Variants in ANKRD30BL observed in about 807,000 individuals in gnomAD.
ANKRD30BL encodes ankyrin repeat domain 30B like.
Under a neutral mutation model 18.4 loss-of-function variants are expected in ANKRD30BL, and 20 were observed. The ratio of observed to expected loss-of-function variants is 1.09; its 90% confidence interval spans 0.77 to 1.58. The LOEUF is 1.58. ANKRD30BL is among the 40% of genes most tolerant of loss of function. ANKRD30BL has a pLI of 0.00. For synonymous variants in ANKRD30BL, 72 were observed against 100.9 expected (o/e 0.71, Z 1.72); for missense variants, 224 against 268.6 (o/e 0.83, Z 1.16).
intron 1 of ANKRD30BL, among the ~76,000 whole-genome samples, chr2:132,211,827 C>T (rs1573847157): frequency 2.0e-5 from 3 of 150,450 alleles, no homozygotes; most frequent in South Asian, 2.1e-4. Flanking sequence ...TTTCATTGAG[C>T]AGTTTTGAAA....
upstream of ANKRD30BL, among the ~76,000 whole-genome samples, chr2:132,163,044 G>A (rs1198353159): frequency 2.0e-5 from 3 of 152,200 alleles, no homozygotes; most frequent in East Asian, 5.8e-4. Flanking sequence ...CAGTGGCGCT[G>A]GGTCATCTGC....
chr2:132,154,641 T>C, intron 4 of ANKRD30BL, 21 bp downstream of exon 4: 1 of 619,470 alleles, frequency 1.6e-6, no homozygotes, highest in South Asian at 1.8e-5. Context: ...AAGTGTTTTT[T>C]AATAAAAAAA....
intron 1 of ANKRD30BL, among the ~76,000 whole-genome samples, chr2:132,160,106 T>A (rs1371140245): frequency 6.6e-6 from 1 of 152,114 alleles, no homozygotes; most frequent in Non-Finnish European, 1.5e-5. Flanking sequence ...AATTTGTGAT[T>A]TATTTATTTA....
intron 1 of ANKRD30BL, among the ~76,000 whole-genome samples, chr2:132,254,681 G>A (rs894410221): frequency 9.9e-5 from 15 of 152,270 alleles, no homozygotes; most frequent in Admixed American, 5.2e-4. Flanking sequence ...TCAGTGTAGC[G>A]CGCGTGCAGC....
intron 1 of ANKRD30BL, among the ~76,000 whole-genome samples, chr2:132,188,454 C>A (rs899890591): frequency 5.3e-5 from 8 of 152,320 alleles, no homozygotes; most frequent in Admixed American, 1.3e-4. Flanking sequence ...CGGTGGCTCA[C>A]GCCTATAATC....
chr2:132,186,856 T>C (rs1688568816), intron 1 of ANKRD30BL, among the ~76,000 whole-genome samples: 1 of 152,152 alleles, frequency 6.6e-6, no homozygotes, highest in Admixed American at 6.6e-5. Context: ...TTCATTAAAA[T>C]ATTCACCTAC....
intron 1 of ANKRD30BL, among the ~76,000 whole-genome samples, chr2:132,206,149 GAAAGAAAAGAGA>G (rs1339549155): frequency 5.3e-5 from 8 of 151,826 alleles, no homozygotes; most frequent in Non-Finnish European, 1.0e-4. Flanking sequence ...CAGAGCAAGA[GAAAGAAAAGAGA>G]AAAGAAAAGA....
At chr2:132,211,761 A>C (rs1323516573) in intron 1 of ANKRD30BL, among the ~76,000 whole-genome samples, 394 of 150,620 alleles carry the variant, frequency 2.6e-3, no homozygotes, top group African/African-American at 9.1e-3. Context: ...ACACAGAAGC[A>C]TTCTCTGAAA....
At chr2:132,176,019 T>G (rs1688362695) in intron 1 of ANKRD30BL, among the ~76,000 whole-genome samples, 1 of 152,240 alleles carries the variant, frequency 6.6e-6, no homozygotes, top group Non-Finnish European at 1.5e-5. Flanking sequence ...AGTAACAGTC[T>G]GATCTCTCTT....
At chr2:132,222,543 C>A (rs1348708233) in intron 1 of ANKRD30BL, among the ~76,000 whole-genome samples, 1 of 152,048 alleles carries the variant, frequency 6.6e-6, no homozygotes, top group Non-Finnish European at 1.5e-5. Context: ...TACCCCCAAC[C>A]CTGTGCTCTC....
At chr2:132,216,262 C>A (rs886463375) in intron 1 of ANKRD30BL, among the ~76,000 whole-genome samples, 1 of 152,020 alleles carries the variant, frequency 6.6e-6, no homozygotes, top group Non-Finnish European at 1.5e-5. Flanking sequence ...TTGAAACTTA[C>A]TTTTGATTGA....
At chr2:132,158,303 G>C (rs1208296767) in intron 1 of ANKRD30BL, among the ~76,000 whole-genome samples, 2 of 152,024 alleles carry the variant, frequency 1.3e-5, no homozygotes, top group Non-Finnish European at 2.9e-5. Flanking sequence ...AGAAGGTATG[G>C]CTTATTTTAT....
intron 1 of ANKRD30BL, among the ~76,000 whole-genome samples, chr2:132,252,889 C>T (rs1483389091): frequency 2.0e-5 from 3 of 152,132 alleles, no homozygotes; most frequent in Non-Finnish European, 4.4e-5. Flanking sequence ...CGGCTGCAGC[C>T]GGCTATCTTC....
At chr2:132,230,525 G>C (rs1391059957) in intron 1 of ANKRD30BL, among the ~76,000 whole-genome samples, 1 of 151,946 alleles carries the variant, frequency 6.6e-6, no homozygotes, top group Non-Finnish European at 1.5e-5. Context: ...TATGATGTTT[G>C]CATTCAGCTC....
At chr2:132,150,542 C>T in intron 5 of ANKRD30BL, among the ~76,000 whole-genome samples, 1 of 151,056 alleles carries the variant, frequency 6.6e-6, no homozygotes, top group East Asian at 1.9e-4. Flanking sequence ...TCAATCACAC[C>T]AAGGATTATA....
rs1558919365 is a variant in ANKRD30BL, at chr2:132,173,056, T to TTG, written n.442-15911_442-15910insCA. On this transcript the variant is annotated intron_variant and non_coding_transcript_variant, in intron 1 of 4. Transcript: ENST00000470729. ...TTTTACTTTTGATGAAACTAATTTT[T>TTG]TTATTTTTTCATTCCCTGTACCTTT... Among the ~76,000 whole-genome samples, 20 of 152,150 alleles carry TTG rather than the reference T, an allele frequency of 1.3e-4. No individual in the cohort carries two copies. In the South Asian group the frequency reaches 3.9e-3, roughly 30 times the overall value.
intron 1 of ANKRD30BL, among the ~76,000 whole-genome samples, chr2:132,250,716 G>C (rs1680627157): frequency 1.3e-5 from 2 of 152,132 alleles, no homozygotes; most frequent in South Asian, 4.1e-4. Context: ...TTGCTCCTCA[G>C]ATCCAGAATT....
In ANKRD30BL at chr2:132,256,502, G is replaced by C. The variant is rs926075325; in HGVS notation, n.441+1027C>G. ...GGGCGCGGGGCGGCCCCGACGTTTGGGCAGCGAAGGAGAGGCGGACCGCGG... is the reference window on the plus strand; with the variant it reads ...GGGCGCGGGGCGGCCCCGACGTTTGCGCAGCGAAGGAGAGGCGGACCGCGG... On this transcript the variant is annotated intron_variant and non_coding_transcript_variant, in intron 1 of 4. Transcript: ENST00000470729. 4.6e-5 allele frequency among the ~76,000 whole-genome samples: 7 copies of C among 152,238 alleles called. No homozygotes were observed. The South Asian group carries it at 6.2e-4, about 13-fold the overall frequency.
rs915626760 is a variant in ANKRD30BL, at chr2:132,161,636, G to C, written c.70C>G (p.Leu24Val). Residue 24 changes from leucine to valine, a missense_variant, in exon 1 of 6, where the codon CTG (leucine) becomes GTG (valine). By Grantham distance (32) the Leu-to-Val change is conservative. This residue lies in a region of ANKRD30BL where 131 missense variants were observed against 128.8 expected (regional missense o/e 1.02). Coordinates refer to ENST00000409867, the MANE Select transcript of ANKRD30BL (RefSeq NM_001358416.1). The stretch of plus-strand genomic sequence containing the variant: ...TAAGAGTCGTTGTTGGTGTAGACCA[G>C]CTGACTGAAGGGGCTCGGGCGCTCT... ...GPERPSPFSQLVYTNNDSYVI... is the reference protein window; with the variant it reads ...GPERPSPFSQVVYTNNDSYVI... The C allele has an allele frequency of 6.2e-6, 9 of 1,451,576 alleles. No individual in the cohort carries two copies. Among genetic ancestry groups the C allele is most frequent in the Non-Finnish European group, 8.5e-6 (9 of 1,058,760 alleles). The allele number at this position is 1,451,576 out of a possible 1,614,324, so 89.9% of individuals were successfully genotyped here.
Sources: allele counts gnomAD v4.1 joint callset (sites outside exome capture counted in the v4.1 genomes callset), GRCh38; gene constraint gnomAD v4.1.1; regional missense constraint gnomAD v4.1.1; transcripts MANE v1.5; gene names NCBI Gene and HGNC (gene_info 2026-07-23, HGNC 2026-07-21).